The following PTPN13 variants were observed in gnomAD, a reference collection of about 807,000 sequenced individuals.
The protein encoded by PTPN13 is tyrosine-protein phosphatase non-receptor type 13.
In PTPN13, 191 loss-of-function variants were observed where a neutral mutation model predicts 284.0. The ratio of observed to expected loss-of-function variants is 0.67; its 90% CI spans 0.60 to 0.76. The LOEUF is 0.76. Among genes scored for constraint, PTPN13 ranks in the 30% least tolerant of loss-of-function variants. PTPN13 has a pLI of 0.00. For synonymous variants in PTPN13, 986 were observed against 1,022.3 expected, an observed-to-expected ratio of 0.96 and a Z score of 0.68; for missense variants, 2,797 against 2,939.9, an observed-to-expected ratio of 0.95 and a Z score of 1.12.
At chr4:86,704,755 A>G (rs1011273800) in intron 7 of PTPN13, among the ~76,000 whole-genome samples, 3 of 152,162 alleles carry the variant, frequency 2.0e-5, no homozygotes, top group African/African-American at 7.2e-5. Context: ...TTTCAAAAGC[A>G]TTTGCTCTCA....
At chr4:86,642,173 G>A in intron 2 of PTPN13, among the ~76,000 whole-genome samples, 1 of 151,788 alleles carries the variant, frequency 6.6e-6, no homozygotes, top group East Asian at 1.9e-4. Context: ...CTTCATTTTT[G>A]TTGACACTTG....
At chr4:86,731,092 C>G (rs1205701209) in intron 10 of PTPN13, among the ~76,000 whole-genome samples, 2 of 152,154 alleles carry the variant, frequency 1.3e-5, no homozygotes, top group African/African-American at 4.8e-5. Context: ...AATTCCTACA[C>G]CAAGCAATCA....
chr4:86,649,535 G>C (rs986018366), intron 2 of PTPN13, among the ~76,000 whole-genome samples: 1 of 152,124 alleles, frequency 6.6e-6, no homozygotes, highest in Admixed American at 6.5e-5. Context: ...TGAGTTCACT[G>C]TGAATGTATG....
chr4:86,629,904 G>A (rs1195674139), intron 1 of PTPN13, among the ~76,000 whole-genome samples: 8 of 151,770 alleles, frequency 5.3e-5, no homozygotes, highest in South Asian at 2.1e-4. Context: ...CTACAGGCAC[G>A]CACCATCATG....
chr4:86,803,394 C>T (rs1318672720), intron 42 of PTPN13, among the ~76,000 whole-genome samples: 1 of 151,946 alleles, frequency 6.6e-6, no homozygotes, highest in African/African-American at 2.4e-5. Context: ...AGTTCAAGAC[C>T]AGCCTGGGCA....
chr4:86,722,690 A>AAG (rs1733802997), intron 10 of PTPN13, among the ~76,000 whole-genome samples: 2 of 152,236 alleles, frequency 1.3e-5, no homozygotes, highest in African/African-American at 4.8e-5. Flanking sequence ...TTAAAAGTAT[A>AAG]TTCATAATCC....
intron 30 of PTPN13, among the ~76,000 whole-genome samples, chr4:86,770,413 A>G (rs1054360927): frequency 2.6e-5 from 4 of 152,200 alleles, no homozygotes; most frequent in Non-Finnish European, 5.9e-5. Flanking sequence ...TTATTTAACT[A>G]GGATTTATCA....
At chr4:86,749,734 A>T (rs1737174905) in intron 17 of PTPN13, among the ~76,000 whole-genome samples, 1 of 152,198 alleles carries the variant, frequency 6.6e-6, no homozygotes, top group Non-Finnish European at 1.5e-5. Context: ...CAGCTCCCTG[A>T]TCATGTTAAT....
intron 47 of PTPN13, 52 bp from the exon 48 acceptor site, chr4:86,814,401 TATA>T: frequency 8.8e-7 from 1 of 1,131,766 alleles, no homozygotes; most frequent in Non-Finnish European, 1.3e-6. Context: ...GCTATATATA[TATA>T]ATATTTACAT....
intron 1 of PTPN13, among the ~76,000 whole-genome samples, chr4:86,618,435 TTAAAG>T (rs1214558179): frequency 6.6e-6 from 1 of 152,182 alleles, no homozygotes; most frequent in African/African-American, 2.4e-5. Flanking sequence ...CATATGAACT[TTAAAG>T]TAGTTTTTTC....
chr4:86,689,557 T>C, intron 5 of PTPN13: 1 of 657,880 alleles, frequency 1.5e-6, no homozygotes, highest in Non-Finnish European at 2.7e-6. Flanking sequence ...TTAGAAATAT[T>C]TAAATGTACT....
At chr4:86,676,070 A>G (rs1206043648) in intron 3 of PTPN13, among the ~76,000 whole-genome samples, 2 of 152,188 alleles carry the variant, frequency 1.3e-5, no homozygotes, top group Non-Finnish European at 2.9e-5. Context: ...AGAAGCCTCA[A>G]CCGAACTTGA....
In PTPN13 at chr4:86,639,263, A is replaced by ATTGG. The variant is rs1578310722; in HGVS notation, c.115+3893_115+3894insTGGT. 5.3e-5 allele frequency among the ~76,000 whole-genome samples: 8 copies of ATTGG among 151,750 alleles called. No homozygotes were observed. The East Asian group carries it at 1.2e-3, about 22-fold the overall frequency. ...ACTAGTTCAACCATTGTGGAAGTCA[A>ATTGG]TGTGGCGATTCCTCAGGGATCTAGA... On this transcript the variant is annotated intron_variant, in intron 2 of 47. Coordinates refer to ENST00000411767, the MANE Select transcript of PTPN13 (RefSeq NM_080683.3).
At chr4:86,769,087 T>A (rs1357132193) in intron 28 of PTPN13, among the ~76,000 whole-genome samples, 2 of 152,196 alleles carry the variant, frequency 1.3e-5, no homozygotes, top group African/African-American at 4.8e-5. Flanking sequence ...ATGTATTTTT[T>A]AATTATTTTC....
intron 6 of PTPN13, among the ~76,000 whole-genome samples, chr4:86,695,975 C>T (rs1730551426): frequency 6.6e-6 from 1 of 151,868 alleles, no homozygotes; most frequent in East Asian, 1.9e-4. Flanking sequence ...AAAGGTGAGC[C>T]TTGCAATATT....
At chr4:86,684,096 AT>A (rs1729186349) in intron 3 of PTPN13, among the ~76,000 whole-genome samples, 1 of 149,154 alleles carries the variant, frequency 6.7e-6, no homozygotes, top group South Asian at 2.1e-4. Flanking sequence ...ATACTAAGAT[AT>A]GTTAAAAAAA....
At chr4:86,680,349 C>A (rs201372282) in intron 3 of PTPN13, among the ~76,000 whole-genome samples, 37 of 47,298 alleles carry the variant, frequency 7.8e-4, no homozygotes, top group African/African-American at 2.6e-3. Flanking sequence ...CTATCTATCT[C>A]TATCTATCTA....
At chr4:86,602,951 A>T (rs1565121300) in intron 1 of PTPN13, among the ~76,000 whole-genome samples, 1 of 152,096 alleles carries the variant, frequency 6.6e-6, no homozygotes. Flanking sequence ...CTCCTGCCTC[A>T]GCCTCTTAAG....
At chr4:86,723,586 A>G (rs1436839710) in intron 10 of PTPN13, among the ~76,000 whole-genome samples, 1 of 152,194 alleles carries the variant, frequency 6.6e-6, no homozygotes, top group Non-Finnish European at 1.5e-5. Context: ...AACTTTCTCC[A>G]AGTAAAATAG....
Sources: gnomAD v4.1 joint callset for allele counts (sites outside exome capture counted in the v4.1 genomes callset) on GRCh38, gnomAD v4.1.1 for gene constraint, MANE v1.5 for transcripts, NCBI Gene and HGNC (gene_info 2026-07-23, HGNC 2026-07-21) for gene names.